FAM83B: variants seen among roughly 807,000 people sequenced by gnomAD.
FAM83B encodes the protein protein FAM83B.
Under a neutral mutation model 38.8 loss-of-function variants are expected in FAM83B, and 26 were observed. The ratio of observed to expected loss-of-function variants is 0.67; its 90% CI spans 0.49 to 0.93. The LOEUF is 0.93. FAM83B is among the 40% of genes least tolerant of loss of function. FAM83B has a pLI of 0.00. For synonymous variants in FAM83B, 419 were observed against 423.1 expected (o/e 0.99, Z 0.12); for missense variants, 1,237 against 1,197.3 (o/e 1.03, Z -0.49).
At chr6:54,917,964 T>C (rs544159353) in intron 2 of FAM83B, among the ~76,000 whole-genome samples, 18 of 152,216 alleles carry the variant, frequency 1.2e-4, no homozygotes, top group Admixed American at 5.9e-4. Flanking sequence ...ACCTGCAAAG[T>C]TAAATATGAC....
chr6:54,896,478 C>T (rs898306992), intron 2 of FAM83B, among the ~76,000 whole-genome samples: 9 of 152,162 alleles, frequency 5.9e-5, no homozygotes, highest in Non-Finnish European at 1.5e-5. Context: ...CTTCTTTCCA[C>T]ACCCACATCA....
At chr6:54,893,102 G>A (rs1173601355) in intron 2 of FAM83B, among the ~76,000 whole-genome samples, 1 of 152,074 alleles carries the variant, frequency 6.6e-6, no homozygotes, top group Non-Finnish European at 1.5e-5. Flanking sequence ...GATGACTGCA[G>A]CTTTGATTCA....
chr6:54,869,407 T>C (rs1375770262), intron 1 of FAM83B, among the ~76,000 whole-genome samples: 2 of 152,180 alleles, frequency 1.3e-5, no homozygotes, highest in African/African-American at 2.4e-5. Context: ...CATTCTTGGC[T>C]TTATCTTGTC....
At chr6:54,924,246 T>A (rs1407806773) in intron 2 of FAM83B, among the ~76,000 whole-genome samples, 5 of 151,714 alleles carry the variant, frequency 3.3e-5, no homozygotes, top group Non-Finnish European at 5.9e-5. Flanking sequence ...TGTGCATCTG[T>A]TGATGGACAC....
At position 54,941,557 on chromosome 6, in the gene FAM83B, T is replaced by A. The variant is rs774849090; in HGVS notation, c.2586T>A (p.Asp862Glu). The change falls in exon 5 of 5, where the codon GAT becomes GAA. Residue 862 changes from aspartate (D) to glutamate (E), a missense_variant. Physicochemically the swap from Asp to Glu is conservative, Grantham distance 45 (BLOSUM62 2). Coordinates refer to ENST00000306858, the MANE Select transcript of FAM83B (RefSeq NM_001010872.3). ...CTCAAGAGATAAATGCTCCACCAGA[T>A]GAAAATAAAAGAACACCTTCTCCAG... Reference protein sequence around the residue: ...SPSQEINAPPDENKRTPSPGP... With the variant: ...SPSQEINAPPEENKRTPSPGP... The A allele has an allele frequency of 6.2e-7, 1 of 1,613,994 alleles. No individual in the cohort carries two copies. The highest frequency in any genetic ancestry group is 2.2e-5 in the East Asian group (1 of 44,874).
chr6:54,906,522 T>A (rs1772779830), intron 2 of FAM83B, among the ~76,000 whole-genome samples: 1 of 152,028 alleles, frequency 6.6e-6, no homozygotes, highest in South Asian at 2.1e-4. Flanking sequence ...GTAGCTGCTA[T>A]CACAGGCGCG....
In FAM83B at chr6:54,870,675, A is replaced by G. The variant is rs764269600; in HGVS notation, c.429A>G (p.Ile143Met). 5 of 1,589,934 alleles carry G rather than the reference A, an allele frequency of 3.1e-6. No individual in the cohort carries two copies. Among genetic ancestry groups the G allele is most frequent in the Admixed American group, 3.7e-5 (2 of 53,976 alleles). ...LTIKETIRKM[I>M]KEARKVIALV... ...TAAAAGAAACTATTCGGAAGATGATAAAAGAAGCAAGAAAGGTAATAACAT... is the reference window on the plus strand; with the variant it reads ...TAAAAGAAACTATTCGGAAGATGATGAAAGAAGCAAGAAAGGTAATAACAT... The change falls in exon 2 of 5, where the codon ATA becomes ATG. Residue 143 changes from isoleucine (I) to methionine (M), a missense_variant. By Grantham distance (10) the Ile-to-Met change is conservative (BLOSUM62 1). Transcript: ENST00000306858.
chr6:54,847,077 G>A (rs528520592), intron 1 of FAM83B, among the ~76,000 whole-genome samples: 1 of 152,298 alleles, frequency 6.6e-6, no homozygotes, highest in African/African-American at 2.4e-5. Flanking sequence ...AGTGAGTTGA[G>A]AAGTTTGAAA....
At position 54,861,527 on chromosome 6, in the gene FAM83B, G is replaced by A. The variant is rs113979625; in HGVS notation, c.-60-8660G>A. On this transcript the variant is annotated intron_variant, in intron 1 of 4. Transcript: ENST00000306858. ...AGCCAAGATTGTGACACTGCTGACA[G>A]AGGAAGACCCCACCTCCAAAACAAA... 3.8e-3 allele frequency among the ~76,000 whole-genome samples: 574 copies of A among 152,304 alleles called. 4 individuals are homozygous for A. Among genetic ancestry groups the A allele is most frequent in the African/African-American group, 0.012 (512 of 41,562 alleles).
chr6:54,885,639 T>C (rs535088574), intron 2 of FAM83B, among the ~76,000 whole-genome samples: 68 of 152,276 alleles, frequency 4.5e-4, no homozygotes, highest in African/African-American at 1.4e-3. Context: ...ACGTGTTCCA[T>C]TGCAATGTTT....
At chr6:54,908,889 A>G (rs1425041228) in intron 2 of FAM83B, among the ~76,000 whole-genome samples, 1 of 152,222 alleles carries the variant, frequency 6.6e-6, no homozygotes, top group Non-Finnish European at 1.5e-5. Flanking sequence ...GGCTGGAGTC[A>G]TATAGTATAA....
chr6:54,855,776 C>T lies in FAM83B; in HGVS notation c.-61+8950C>T, dbSNP rs185908326. ...TTCACCAAAAAGTGGGGGCAGGAGC[C>T]CTTGAAATCCTAAGTATGTGTGTGG... On this transcript the variant is annotated intron_variant, in intron 1 of 4. Transcript: ENST00000306858. Among the ~76,000 whole-genome samples, 287 of 152,130 alleles carry T rather than the reference C, an allele frequency of 1.9e-3. 2 individuals carry two copies. Among genetic ancestry groups the T allele is most frequent in the African/African-American group, 6.3e-3 (263 of 41,502 alleles).
intron 2 of FAM83B, among the ~76,000 whole-genome samples, chr6:54,877,658 G>T (rs181260093): frequency 2.0e-5 from 3 of 152,316 alleles, no homozygotes; most frequent in Admixed American, 6.5e-5. Context: ...GCACTTACAT[G>T]TTAGGCACTG....
Position 54,943,809 on chromosome 6 carries a change from A to G in FAM83B, c.*1802A>G, listed in dbSNP as rs1487672989. 1.3e-5 allele frequency: 2 copies of G among 152,192 alleles called. No homozygotes were observed. Among genetic ancestry groups the G allele is most frequent in the Non-Finnish European group, 2.9e-5 (2 of 68,032 alleles). The allele number at this position is 152,192 out of a possible 1,614,324, so 9.4% of individuals were successfully genotyped here. A position where few individuals can be genotyped will look rare whatever the true frequency, so the allele number is the denominator to read the frequency against. ...AAGCCCTGAAATTTAGTGCAATGTA[A>G]CTTTAAAACTGAAATTATATAAAGA... On this transcript the variant is annotated 3_prime_UTR_variant, in exon 5 of 5. Transcript: ENST00000306858.
At chr6:54,931,067 T>A (rs2127589672) in intron 4 of FAM83B, among the ~76,000 whole-genome samples, 1 of 152,308 alleles carries the variant, frequency 6.6e-6, no homozygotes, top group Middle Eastern at 3.4e-3. Flanking sequence ...CATTGGCTAC[T>A]CAAAACTGTG....
In FAM83B at chr6:54,941,171, A is replaced by C; in HGVS notation, c.2200A>C (p.Thr734Pro). Residue 734 changes from threonine (T) to proline (P), a missense_variant, in exon 5 of 5, where the codon ACT (threonine) becomes CCT (proline). Physicochemically the swap from Thr to Pro is conservative, Grantham distance 38 (BLOSUM62 -1). Coordinates refer to ENST00000306858, the MANE Select transcript of FAM83B (RefSeq NM_001010872.3). ...VTKRNSPSGTTTKSVSIAALL... is the reference protein window; with the variant it reads ...VTKRNSPSGTPTKSVSIAALL... ...CAAGAGAAACTCTCCAAGTGGCACT[A>C]CTACCAAATCAGTTTCCATTGCTGC... The C allele has an allele frequency of 6.2e-7, 1 of 1,614,088 alleles. No homozygotes were observed.
intron 1 of FAM83B, among the ~76,000 whole-genome samples, chr6:54,862,937 T>G (rs1437974514): frequency 6.6e-6 from 1 of 152,102 alleles, no homozygotes; most frequent in East Asian, 1.9e-4. Context: ...TTAAATACTT[T>G]TTATTGGTGC....
intron 1 of FAM83B, among the ~76,000 whole-genome samples, chr6:54,848,955 G>T (rs971375437): frequency 1.3e-5 from 2 of 152,130 alleles, no homozygotes; most frequent in Non-Finnish European, 2.9e-5. Flanking sequence ...AAATGTGAAT[G>T]TCCCATGGAT....
chr6:54,884,299 T>TAAAAAAA (rs70983475), intron 2 of FAM83B, among the ~76,000 whole-genome samples: 14 of 82,248 alleles, frequency 1.7e-4, no homozygotes, highest in African/African-American at 2.7e-4. Flanking sequence ...AGACCCCGTC[T>TAAAAAAA]AAAAAAAAAA....
Sources: allele counts gnomAD v4.1 joint callset (sites outside exome capture counted in the v4.1 genomes callset), GRCh38; gene constraint gnomAD v4.1.1; transcripts MANE v1.5; gene names NCBI Gene and HGNC (gene_info 2026-07-23, HGNC 2026-07-21).